Variants in BIRC6 observed in about 807,000 individuals in gnomAD.
BIRC6 encodes dual E2 ubiquitin-conjugating enzyme/E3 ubiquitin-protein ligase BIRC6.
BIRC6 carries 98 observed loss-of-function variants against 503.3 expected under a neutral mutation model. The observed-to-expected ratio is 0.19, with a 90% CI of 0.17 to 0.23. The LOEUF is 0.23. BIRC6 is among the 10% of genes least tolerant of loss of function. The pLI, the probability that BIRC6 is intolerant of heterozygous loss-of-function variation, is 1.00. For synonymous variants in BIRC6, 2,240 were observed against 2,078.7 expected, an observed-to-expected ratio of 1.08 and a Z score of -2.11; for missense variants, 5,360 against 5,806.0, an observed-to-expected ratio of 0.92 and a Z score of 2.50.
At chr2:32,390,060 G>T (rs1410236669) in intron 4 of BIRC6, among the ~76,000 whole-genome samples, 7 of 152,114 alleles carry the variant, frequency 4.6e-5, no homozygotes, top group Admixed American at 2.6e-4. Flanking sequence ...GTGTTTCTCT[G>T]TGTTGGTCAG....
Position 32,357,181 on chromosome 2 carries a change from C to T in BIRC6, c.20C>T (p.Ala7Val). 6.5e-7 allele frequency: 1 copy of T among 1,533,362 alleles called. No homozygotes were observed. The highest frequency in any genetic ancestry group is 8.7e-7 in the Non-Finnish European group (1 of 1,148,608). 95.0% of individuals were successfully genotyped at this position (1,533,362 alleles called of 1,614,324 possible). The change falls in exon 1 of 74, where the codon GCT becomes GTT. Residue 7 changes from alanine to valine, a missense_variant. Coordinates refer to ENST00000421745, the MANE Select transcript of BIRC6 (RefSeq NM_016252.4). The surrounding 1 kb of genome is among the most constrained non-coding windows in gnomAD (Gnocchi z 4.9). ...CCCCGGATGGTGACTGGTGGTGGTG[C>T]TGCACCTCCCGGGACTGTCACTGAG... MVTGGG[A>V]APPGTVTEPL...
chr2:32,428,973 C>T (rs2043819867), intron 10 of BIRC6, among the ~76,000 whole-genome samples, 173 bp from the exon 11 acceptor site: 1 of 152,018 alleles, frequency 6.6e-6, no homozygotes, highest in Non-Finnish European at 1.5e-5. Flanking sequence ...AATTTGGTTT[C>T]AATTTGTAAT....
chr2:32,532,258 C>T (rs1292932457), intron 61 of BIRC6: 1 of 517,398 alleles, frequency 1.9e-6, no homozygotes, highest in African/African-American at 1.9e-5. Context: ...CTTAAAACAA[C>T]TGAAATTTAT....
chr2:32,433,710 C>T lies in BIRC6; in HGVS notation c.3315C>T (p.Asp1105=). 6.2e-7 allele frequency: 1 copy of T among 1,606,392 alleles called. No homozygotes were observed. Among genetic ancestry groups the T allele is most frequent in the South Asian group, 1.1e-5 (1 of 90,110 alleles). Reference sequence around the variant, plus strand: ...AAGCTTGTATGGTTGGACATGTGGACTTCAAATTCGTTTTGAACTCAAACA... The same window carrying T: ...AAGCTTGTATGGTTGGACATGTGGATTTCAAATTCGTTTTGAACTCAAACA... The part of the protein sequence containing the change: ...LPKACMVGHV[D]FKFVLNSNIT... The change falls in exon 13 of 74, where the codon GAC becomes GAT. Residue 1105 remains aspartate (D), a synonymous_variant. Transcript: ENST00000421745.
At chr2:32,467,862 G>T (rs553332519) in intron 27 of BIRC6, 41 bp from the exon 28 acceptor site, 1 of 1,503,478 alleles carries the variant, frequency 6.7e-7, no homozygotes, top group South Asian at 1.2e-5. Context: ...TTTTATTGTG[G>T]CAGATGTGTA....
chr2:32,613,132 C>T (rs1161886429), intron 73 of BIRC6, among the ~76,000 whole-genome samples: 2 of 151,804 alleles, frequency 1.3e-5, no homozygotes, highest in Non-Finnish European at 2.9e-5. Flanking sequence ...TCTGCTTGCT[C>T]ACCTCCATTC....
At chr2:32,474,485 A>C (rs755983107) in intron 33 of BIRC6, among the ~76,000 whole-genome samples, 1 of 152,244 alleles carries the variant, frequency 6.6e-6, no homozygotes, top group African/African-American at 2.4e-5. Flanking sequence ...GTATTGGGAC[A>C]GTTGGCAAAA....
intron 66 of BIRC6, among the ~76,000 whole-genome samples, chr2:32,583,949 C>T: frequency 6.6e-6 from 1 of 152,174 alleles, no homozygotes; most frequent in East Asian, 1.9e-4. Flanking sequence ...CCAGGCTGTT[C>T]ACGAACTCCT....
In BIRC6 at chr2:32,499,564, G is replaced by T; in HGVS notation, c.8486G>T (p.Gly2829Val). The T allele has an allele frequency of 6.2e-7, 1 of 1,608,852 alleles. No homozygotes were observed. Among genetic ancestry groups the T allele is most frequent in the Non-Finnish European group, 8.5e-7 (1 of 1,177,322 alleles). ...LSTERGAFQT[G>V]QGPLDAQVKL... Reference sequence around the variant, plus strand: ...CTCTGCAGGGGTGCTTTCCAGACAGGCCAAGGACCTCTCGATGCCCAAGTG... The same window carrying T: ...CTCTGCAGGGGTGCTTTCCAGACAGTCCAAGGACCTCTCGATGCCCAAGTG... Residue 2829 changes from glycine (G) to valine (V), a missense_variant, in exon 46 of 74, where the codon GGC becomes GTC. Gly to Val is a moderately radical substitution (Grantham distance 109). This residue lies in a region of BIRC6 where 2,299 missense variants were observed against 2,267.2 expected (regional missense o/e 1.01). Transcript: ENST00000421745.
rs750180138 is a variant in BIRC6 at position 32,510,639 on chromosome 2, G to A, written c.10346+5G>A. ...GGATCCTGGTACAAAAGACAGGTAC[G>A]ATTTTATTTTTCATTTAATTAAGCA... On this transcript the variant is annotated splice_donor_5th_base_variant and intron_variant, in intron 53 of 73. Coordinates refer to ENST00000421745, the MANE Select transcript of BIRC6 (RefSeq NM_016252.4). The A allele has an allele frequency of 1.4e-5, 21 of 1,546,138 alleles. No homozygotes were observed. Among genetic ancestry groups the A allele is most frequent in the South Asian group, 2.2e-5 (2 of 89,148 alleles).
intron 5 of BIRC6, among the ~76,000 whole-genome samples, chr2:32,393,742 A>T (rs531701420): frequency 6.8e-4 from 103 of 152,294 alleles, no homozygotes; most frequent in African/African-American, 2.0e-3. Flanking sequence ...GCTGGTTTCA[A>T]ACTTCTGGGC....
chr2:32,357,145 T>C lies in BIRC6; in HGVS notation c.-17T>C. On this transcript the variant is annotated 5_prime_UTR_variant, in exon 1 of 74. Coordinates refer to ENST00000421745, the MANE Select transcript of BIRC6 (RefSeq NM_016252.4). The surrounding 1 kb of genome is among the most constrained non-coding windows in gnomAD (Gnocchi z 4.9). ...TTCACTTCCGGCTAACGCGCTCGGC[T>C]TGCCCCCTGGCCCCGGATGGTGACT... 2 of 1,481,714 alleles carry C rather than the reference T, an allele frequency of 1.3e-6. No homozygotes were observed. Among genetic ancestry groups the C allele is most frequent in the Non-Finnish European group, 1.8e-6 (2 of 1,131,048 alleles). The allele number at this position is 1,481,714 out of a possible 1,614,324, so 91.8% of individuals were successfully genotyped here. A position where few individuals can be genotyped will look rare whatever the true frequency, so the allele number is the denominator to read the frequency against.
At chr2:32,446,854 C>G (rs561698234) in intron 21 of BIRC6, among the ~76,000 whole-genome samples, 3 of 110,248 alleles carry the variant, frequency 2.7e-5, no homozygotes, top group Non-Finnish European at 5.2e-5. Flanking sequence ...AGCAGATAAA[C>G]AAGTGAACAA....
At chr2:32,449,118 A>C (rs890332043) in intron 22 of BIRC6, 190 bp downstream of exon 22, 8 of 505,002 alleles carry the variant, frequency 1.6e-5, no homozygotes, top group Non-Finnish European at 2.3e-5. Context: ...AGAAAATCCC[A>C]GTATATTAAA....
chr2:32,498,687 A>T (rs569921326), intron 45 of BIRC6, among the ~76,000 whole-genome samples: 2 of 152,240 alleles, frequency 1.3e-5, no homozygotes, highest in South Asian at 4.1e-4. Context: ...TCCTGGGTTC[A>T]TGCAATTCTC....
In BIRC6 at chr2:32,415,469, AGAG is replaced by A. The variant is rs774018351; in HGVS notation, c.2185_2187del (p.Glu729del). 3.7e-6 allele frequency: 6 copies of A among 1,614,010 alleles called. No individual in the cohort carries two copies. Among genetic ancestry groups the A allele is most frequent in the African/African-American group, 1.3e-5 (1 of 75,062 alleles). ...AGTGCTTGAGGCTGCCAAAGTTTGC[AGAG>A]GAGGAGAATCTTTGTATAGACTCAA... On this transcript the variant is annotated inframe_deletion, in exon 10 of 74. Transcript: ENST00000421745.
In BIRC6 at chr2:32,503,003, C is replaced by A. The variant is rs929050131; in HGVS notation, c.9305-39C>A. On this transcript the variant is annotated intron_variant, in intron 48 of 73. Coordinates refer to ENST00000421745, the MANE Select transcript of BIRC6 (RefSeq NM_016252.4). ...TTACTTTTGATGTTGAACCATCTGT[C>A]CTGAGATCGATTTCATTTCATATTC... The A allele has an allele frequency of 3.1e-5, 47 of 1,532,134 alleles. 1 individual carries two copies. The highest frequency in any genetic ancestry group is 1.1e-4 in the South Asian group (9 of 82,370). 94.9% of individuals were successfully genotyped at this position (1,532,134 alleles called of 1,614,324 possible).
chr2:32,444,664 T>A (rs1055286886), intron 20 of BIRC6, among the ~76,000 whole-genome samples: 2 of 152,144 alleles, frequency 1.3e-5, no homozygotes, highest in Non-Finnish European at 2.9e-5. Flanking sequence ...GGAGGGAGGA[T>A]TGCTTGAGGC....
chr2:32,541,970 G>A (rs2057696148), intron 61 of BIRC6, among the ~76,000 whole-genome samples: 1 of 151,970 alleles, frequency 6.6e-6, no homozygotes, highest in Non-Finnish European at 1.5e-5. Flanking sequence ...TCTTTTGCGT[G>A]GTTTGAGGAT....
Sources: gnomAD v4.1 joint callset for allele counts (sites outside exome capture counted in the v4.1 genomes callset) on GRCh38, gnomAD v4.1.1 for gene constraint, gnomAD v4.1.1 regional missense constraint, Gnocchi (gnomAD v3.1) non-coding constraint, MANE v1.5 for transcripts, NCBI Gene and HGNC (gene_info 2026-07-23, HGNC 2026-07-21) for gene names.